Variants in FAR2 observed in about 807,000 individuals in gnomAD.
The protein encoded by FAR2 is fatty acyl-CoA reductase 2.
FAR2 carries 19 observed loss-of-function variants against 56.0 expected under a neutral mutation model. That is an observed-to-expected ratio of 0.34 (90% CI 0.24 to 0.50). FAR2 has a LOEUF of 0.50. FAR2 is among the 20% of genes least tolerant of loss of function. FAR2 has a pLI of 0.98. For synonymous variants in FAR2, 219 were observed against 218.8 expected, an observed-to-expected ratio of 1.00 and a Z score of -0.01; for missense variants, 508 against 642.2, an observed-to-expected ratio of 0.79 and a Z score of 2.26.
intron 1 of FAR2, among the ~76,000 whole-genome samples, chr12:29,260,072 AAAAT>A (rs1389520461): frequency 6.6e-6 from 1 of 152,218 alleles, no homozygotes; most frequent in Non-Finnish European, 1.5e-5. Context: ...TTTAGTTTAA[AAAAT>A]AATTAATGTA....
intron 1 of FAR2, among the ~76,000 whole-genome samples, chr12:29,226,030 G>T (rs185163852): frequency 6.6e-6 from 1 of 152,252 alleles, no homozygotes; most frequent in Middle Eastern, 3.4e-3. Context: ...AATCAGACTC[G>T]TACAAATTAC....
chr12:29,257,706 G>T (rs1948348451), intron 1 of FAR2, among the ~76,000 whole-genome samples: 1 of 152,008 alleles, frequency 6.6e-6, no homozygotes, highest in Non-Finnish European at 1.5e-5. Context: ...TCGAAGGTCT[G>T]CAGCTTCACT....
chr12:29,211,055 T>C (rs770330899), intron 1 of FAR2, among the ~76,000 whole-genome samples: 11 of 152,122 alleles, frequency 7.2e-5, no homozygotes, highest in Non-Finnish European at 1.6e-4. Context: ...ATTAGCCATA[T>C]GTAGGTTTTC....
At chr12:29,211,198 G>A (rs1947542658) in intron 1 of FAR2, among the ~76,000 whole-genome samples, 1 of 152,092 alleles carries the variant, frequency 6.6e-6, no homozygotes, top group Non-Finnish European at 1.5e-5. Context: ...GGCTGAGACA[G>A]GAGAATTGCT....
chr12:29,272,519 T>TAGCAATTCCTCTAACTTTTTATC (rs1210137464), intron 2 of FAR2, among the ~76,000 whole-genome samples: 3 of 152,264 alleles, frequency 2.0e-5, no homozygotes, highest in Admixed American at 2.0e-4. Flanking sequence ...TTATTCTAGT[T>TAGCAATTCCTCTAACTTTTTATC]AGCAATTCCT....
In FAR2 at chr12:29,282,605, A is replaced by AT. The variant is rs200834955; in HGVS notation, c.190-10686dup. On this transcript the variant is annotated intron_variant, in intron 2 of 11. Transcript: ENST00000536681. ...CATGTCAGCTATGTGAGGCTTGGAAATTTTTTTTTAAAACATAGTAACCAA... is the reference window on the plus strand; with the variant it reads ...CATGTCAGCTATGTGAGGCTTGGAAATTTTTTTTTTAAAACATAGTAACCAA... Among the ~76,000 whole-genome samples the AT allele has an allele frequency of 4.5e-3, 685 of 152,104 alleles. 6 individuals carry two copies. The highest frequency in any genetic ancestry group is 0.016 in the African/African-American group (651 of 41,488).
intron 1 of FAR2, among the ~76,000 whole-genome samples, chr12:29,208,629 G>A (rs187299990): frequency 5.4e-4 from 82 of 152,166 alleles, no homozygotes; most frequent in Admixed American, 4.5e-3. Flanking sequence ...TTAAAACTCT[G>A]GTCTTGAGCT....
rs1186425626 is a variant in FAR2 at position 29,228,081 on chromosome 12, T to C, written c.-38-42331T>C. Reference sequence around the variant, plus strand: ...CACCAACATGGCACATGTATACATATGTAACAAACCTGCATATTGTGCACA... The same window carrying C: ...CACCAACATGGCACATGTATACATACGTAACAAACCTGCATATTGTGCACA... On this transcript the variant is annotated intron_variant, in intron 1 of 11. Transcript: ENST00000536681. Among the ~76,000 whole-genome samples, 5 of 150,404 alleles carry C rather than the reference T, an allele frequency of 3.3e-5. No homozygotes were observed. In the East Asian group the frequency reaches 7.8e-4, roughly 24 times the overall value.
intron 1 of FAR2, among the ~76,000 whole-genome samples, chr12:29,174,223 A>T (rs548987077): frequency 6.6e-6 from 1 of 152,126 alleles, no homozygotes; most frequent in South Asian, 2.1e-4. Context: ...TAGGCCTGCT[A>T]GTCTGAGGAG....
intron 2 of FAR2, among the ~76,000 whole-genome samples, chr12:29,273,818 G>A (rs1300232600): frequency 6.6e-6 from 1 of 152,230 alleles, no homozygotes; most frequent in Non-Finnish European, 1.5e-5. Flanking sequence ...AGGTTGCACT[G>A]TTCCATGGAA....
At chr12:29,299,424 A>C (rs1427629013) in intron 4 of FAR2, among the ~76,000 whole-genome samples, 1 of 152,104 alleles carries the variant, frequency 6.6e-6, no homozygotes, top group Non-Finnish European at 1.5e-5. Flanking sequence ...ATCCTCCCTC[A>C]AGTATATGTC....
At chr12:29,218,575 A>G (rs1372387011) in intron 1 of FAR2, among the ~76,000 whole-genome samples, 3 of 152,210 alleles carry the variant, frequency 2.0e-5, no homozygotes, top group South Asian at 4.1e-4. Context: ...GAAAAAGAAT[A>G]GGGCAGAAGA....
chr12:29,207,015 C>T (rs1024114298), intron 1 of FAR2, among the ~76,000 whole-genome samples: 1 of 151,846 alleles, frequency 6.6e-6, no homozygotes, highest in Non-Finnish European at 1.5e-5. Flanking sequence ...GTCTGCCAAC[C>T]AAAGCTTGTT....
intron 1 of FAR2, among the ~76,000 whole-genome samples, chr12:29,186,635 T>C (rs919581557): frequency 1.3e-5 from 2 of 152,188 alleles, no homozygotes; most frequent in Non-Finnish European, 2.9e-5. Flanking sequence ...ATTCTTTTTC[T>C]GAAAAATATG....
intron 10 of FAR2, among the ~76,000 whole-genome samples, chr12:29,330,056 C>CTTTTTTTTTTTT (rs10693997): frequency 7.9e-6 from 1 of 127,064 alleles, no homozygotes; most frequent in Non-Finnish European, 1.6e-5. Context: ...ACATTTATGA[C>CTTTTTTTTTTTT]TTTTTTTTTT....
intron 1 of FAR2, among the ~76,000 whole-genome samples, chr12:29,212,789 C>T (rs745525927): frequency 3.6e-4 from 55 of 152,214 alleles, no homozygotes; most frequent in Admixed American, 4.6e-4. Flanking sequence ...GCTATAGTCT[C>T]ATGGTTAGCA....
At chr12:29,210,544 T>G (rs1457755932) in intron 1 of FAR2, among the ~76,000 whole-genome samples, 3 of 152,252 alleles carry the variant, frequency 2.0e-5, no homozygotes, top group Non-Finnish European at 4.4e-5. Context: ...CAGTAGAGAT[T>G]CTGGCAATAA....
At chr12:29,235,040 G>A (rs905311794) in intron 1 of FAR2, among the ~76,000 whole-genome samples, 1 of 152,248 alleles carries the variant, frequency 6.6e-6, no homozygotes, top group Admixed American at 6.5e-5. Context: ...TATGTGCCAA[G>A]TTTGATCTAA....
intron 1 of FAR2, among the ~76,000 whole-genome samples, chr12:29,233,537 T>C (rs1187904644): frequency 1.3e-5 from 2 of 152,210 alleles, no homozygotes; most frequent in Non-Finnish European, 2.9e-5. Context: ...GTCAACTTCC[T>C]TGCCTGCATG....
Sources: allele counts gnomAD v4.1 joint callset (sites outside exome capture counted in the v4.1 genomes callset), GRCh38; gene constraint gnomAD v4.1.1; transcripts MANE v1.5; gene names NCBI Gene and HGNC (gene_info 2026-07-23, HGNC 2026-07-21).